The following BEND6 variants were observed in gnomAD, a reference collection of about 807,000 sequenced individuals.
BEND6 encodes BEN domain containing 6, also known as BEN domain-containing protein 6.
Under a neutral mutation model 31.8 loss-of-function variants are expected in BEND6, and 24 were observed. The ratio of observed to expected loss-of-function variants is 0.75; its 90% CI spans 0.55 to 1.06. The LOEUF is 1.06. Ranked by LOEUF, BEND6 falls within the 50% of genes least tolerant of loss-of-function variation. The probability of loss-of-function intolerance (pLI) is 0.00; values close to 1 mark genes in which losing one functional copy is unlikely to be tolerated. For synonymous variants in BEND6, 109 were observed against 114.6 expected, an observed-to-expected ratio of 0.95 and a Z score of 0.31; for missense variants, 294 against 327.4, an observed-to-expected ratio of 0.90 and a Z score of 0.79.
intron 2 of BEND6, among the ~76,000 whole-genome samples, chr6:56,986,371 G>A (rs1826273737): frequency 6.6e-6 from 1 of 152,024 alleles, no homozygotes; most frequent in East Asian, 1.9e-4. Flanking sequence ...CCAGGAGTTC[G>A]AGGCTGCAGT....
chr6:56,968,267 C>G (rs1825555462), intron 1 of BEND6, among the ~76,000 whole-genome samples: 1 of 151,484 alleles, frequency 6.6e-6, no homozygotes, highest in Non-Finnish European at 1.5e-5. Context: ...TCTATAGCCC[C>G]CTCAAGCATA....
At chr6:57,025,088 A>G (rs1827861605) in intron 6 of BEND6, among the ~76,000 whole-genome samples, 2 of 152,268 alleles carry the variant, frequency 1.3e-5, no homozygotes, top group African/African-American at 4.8e-5. Flanking sequence ...CTCTTTGTTA[A>G]ATATCTCTGA....
At chr6:56,966,345 G>T (rs541276230) in intron 1 of BEND6, among the ~76,000 whole-genome samples, 2 of 152,064 alleles carry the variant, frequency 1.3e-5, no homozygotes, top group African/African-American at 2.4e-5. Context: ...AAGATGATCC[G>T]CCTGCCTCGG....
At chr6:56,982,046 C>A (rs1826091373) in intron 2 of BEND6, 116 bp downstream of exon 2, 1 of 1,179,330 alleles carries the variant, frequency 8.5e-7, no homozygotes, top group Non-Finnish European at 1.2e-6. Flanking sequence ...CTTTTCATTT[C>A]TTTATTCAAT....
intron 3 of BEND6, chr6:57,009,006 A>C (rs568995788): frequency 6.6e-6 from 1 of 152,356 alleles, no homozygotes; most frequent in Non-Finnish European, 1.5e-5. Context: ...TCATTATGTT[A>C]AGTGAAATAA....
In BEND6 at chr6:57,015,165, T is replaced by C. The variant is rs375033965; in HGVS notation, c.331T>C (p.Leu111=). Residue 111 remains leucine (L), a synonymous_variant, in exon 4 of 7, where the codon TTG becomes CTG. Transcript: ENST00000370746. ...LPQAVTQFEE[L]VGMAEALLKG... ...ACAAGCAGTCACCCAGTTTGAAGAA[T>C]TGGTTGGTATGGCCGAGGCTCTGCT... 11 of 1,614,034 alleles carry C rather than the reference T, an allele frequency of 6.8e-6. No individual in the cohort carries two copies. In the African/African-American group the frequency reaches 1.1e-4, roughly 16 times the overall value.
At chr6:57,007,632 AT>A (rs532847812) in intron 3 of BEND6, among the ~76,000 whole-genome samples, 23 of 149,014 alleles carry the variant, frequency 1.5e-4, no homozygotes, top group Admixed American at 6.7e-4. Context: ...CAAAAAACAA[AT>A]TTTTTTTTTT....
At chr6:56,963,370 A>AC (rs1399140507) in intron 1 of BEND6, among the ~76,000 whole-genome samples, 1 of 152,174 alleles carries the variant, frequency 6.6e-6, no homozygotes, top group Admixed American at 6.5e-5. Context: ...CCTAGGCCAC[A>AC]CCTACTAATC....
chr6:57,024,754 A>G (rs1377238780), intron 6 of BEND6, among the ~76,000 whole-genome samples: 5 of 152,098 alleles, frequency 3.3e-5, no homozygotes, highest in African/African-American at 1.2e-4. Flanking sequence ...CTCTTCCTCA[A>G]GTTTTGGGAA....
chr6:57,005,129 T>G (rs1217673621), intron 3 of BEND6, among the ~76,000 whole-genome samples: 2 of 152,136 alleles, frequency 1.3e-5, no homozygotes, highest in African/African-American at 4.8e-5. Context: ...TTTTTCATTA[T>G]AAGCCTTATT....
intron 1 of BEND6, among the ~76,000 whole-genome samples, chr6:56,978,446 A>T (rs1174053350): frequency 6.6e-6 from 1 of 152,140 alleles, no homozygotes; most frequent in Admixed American, 6.5e-5. Context: ...CCTCACCCAT[A>T]AGAAATCACT....
At chr6:56,987,732 T>C (rs529716523) in intron 2 of BEND6, among the ~76,000 whole-genome samples, 55 of 152,204 alleles carry the variant, frequency 3.6e-4, no homozygotes, top group Non-Finnish European at 7.8e-4. Flanking sequence ...CTTTATGTTA[T>C]ACCTTTGCTT....
rs1226834814 is a variant in BEND6 at position 57,015,267 on chromosome 6, G to A, written c.433G>A (p.Ala145Thr). Reference sequence around the variant, plus strand: ...AAACAACTCCTCGCCAGATTCATTTGCCTCAACATGCAGTAATTCTAATTC... The same window carrying A: ...AAACAACTCCTCGCCAGATTCATTTACCTCAACATGCAGTAATTCTAATTC... The part of the protein sequence containing the change: ...ATNNSSPDSF[A>T]STCSNSNSNS... The change falls in exon 4 of 7, where the codon GCC becomes ACC. Residue 145 changes from alanine (A) to threonine (T), a missense_variant. Transcript: ENST00000370746. 6.2e-7 allele frequency: 1 copy of A among 1,614,110 alleles called. No individual in the cohort carries two copies. The highest frequency in any genetic ancestry group is 1.7e-5 in the Admixed American group (1 of 60,008).
chr6:56,986,571 T>G (rs987782981), intron 2 of BEND6, among the ~76,000 whole-genome samples: 8 of 152,214 alleles, frequency 5.3e-5, no homozygotes, highest in African/African-American at 1.2e-4. Flanking sequence ...TATGCTTGAT[T>G]GATAAGACAA....
chr6:57,007,668 G>T (rs1168507796), intron 3 of BEND6, among the ~76,000 whole-genome samples: 1 of 151,996 alleles, frequency 6.6e-6, no homozygotes, highest in Non-Finnish European at 1.5e-5. Flanking sequence ...GGTGTCTTAT[G>T]CCTGTAATCC....
chr6:56,958,936 G>A (rs1258062913), intron 1 of BEND6, among the ~76,000 whole-genome samples: 1 of 152,212 alleles, frequency 6.6e-6, no homozygotes, highest in South Asian at 2.1e-4. Flanking sequence ...AAAGAGGAGA[G>A]GGTTGTTGTC....
intron 6 of BEND6, among the ~76,000 whole-genome samples, chr6:57,024,371 T>C (rs948234858): frequency 2.4e-4 from 37 of 152,258 alleles, no homozygotes; most frequent in African/African-American, 7.2e-4. Context: ...TAAAGAGCTC[T>C]CTTTAGATTT....
At chr6:56,961,466 G>C (rs1191993528) in intron 1 of BEND6, among the ~76,000 whole-genome samples, 1 of 152,154 alleles carries the variant, frequency 6.6e-6, no homozygotes, top group African/African-American at 2.4e-5. Flanking sequence ...GTAACCCTAA[G>C]AGGAGAAAAG....
chr6:56,957,110 A>G (rs1825111543), intron 1 of BEND6, among the ~76,000 whole-genome samples: 1 of 152,190 alleles, frequency 6.6e-6, no homozygotes, highest in Non-Finnish European at 1.5e-5. Flanking sequence ...ATATTTTTTT[A>G]ACAACAAAAA....
Sources: gnomAD v4.1 joint callset for allele counts (sites outside exome capture counted in the v4.1 genomes callset) on GRCh38, gnomAD v4.1.1 for gene constraint, MANE v1.5 for transcripts, NCBI Gene and HGNC (gene_info 2026-07-23, HGNC 2026-07-21) for gene names.